DSCAM: variants seen among roughly 807,000 people sequenced by gnomAD.
DSCAM encodes the protein DS cell adhesion molecule.
DSCAM carries 47 observed loss-of-function variants against 217.7 expected under a neutral mutation model. The ratio of observed to expected loss-of-function variants is 0.22; its 90% CI spans 0.17 to 0.28. The LOEUF is 0.28. Among genes scored for constraint, DSCAM ranks in the 10% least tolerant of loss-of-function variants. The probability of loss-of-function intolerance (pLI) is 1.00; values close to 1 mark genes in which losing one functional copy is unlikely to be tolerated. For missense variants in DSCAM, 2,080 were observed against 2,618.3 expected (o/e 0.79, Z 4.49); for synonymous variants, 1,056 against 1,015.3 (o/e 1.04, Z -0.76).
At position 40,659,402 on chromosome 21, in the gene DSCAM, C is replaced by G. The variant is rs2146376488; in HGVS notation, c.508+33408G>C. ...CTATCTATCTATCTATCATCTCTCT[C>G]ATCTCTCTATCACTCTAGTTATCTA... On this transcript the variant is annotated intron_variant, in intron 3 of 32. Coordinates refer to ENST00000400454, the MANE Select transcript of DSCAM (RefSeq NM_001389.5). Among the ~76,000 whole-genome samples the G allele has an allele frequency of 2.0e-5, 3 of 149,534 alleles. No homozygotes were observed. In the South Asian group the frequency reaches 6.4e-4, roughly 32 times the overall value.
chr21:40,684,506 G>A (rs921253994), intron 3 of DSCAM, among the ~76,000 whole-genome samples: 6 of 70,232 alleles, frequency 8.5e-5, no homozygotes, highest in Admixed American at 2.3e-4. Flanking sequence ...TCTGCTTAAG[G>A]AGACCTTCCT....
At chr21:40,161,730 G>A (rs1263562540) in intron 16 of DSCAM, among the ~76,000 whole-genome samples, 1 of 152,142 alleles carries the variant, frequency 6.6e-6, no homozygotes, top group African/African-American at 2.4e-5. Flanking sequence ...AAGACATGTT[G>A]GTGTTCAGGA....
intron 1 of DSCAM, among the ~76,000 whole-genome samples, chr21:40,777,339 T>G (rs997860290): frequency 1.3e-5 from 2 of 152,186 alleles, no homozygotes; most frequent in Non-Finnish European, 2.9e-5. Flanking sequence ...GCCGAAAACC[T>G]TCAGACAACA....
At chr21:40,616,602 T>C (rs1040810266) in intron 3 of DSCAM, among the ~76,000 whole-genome samples, 12 of 152,208 alleles carry the variant, frequency 7.9e-5, no homozygotes, top group African/African-American at 2.7e-4. Flanking sequence ...GGGTCTCCTC[T>C]AGACACTGCC....
At chr21:40,280,199 T>G (rs1179011771) in intron 10 of DSCAM, among the ~76,000 whole-genome samples, 1 of 149,208 alleles carries the variant, frequency 6.7e-6, no homozygotes, top group Non-Finnish European at 1.5e-5. Context: ...TTTTTTTTTT[T>G]GAGACAGGGT....
intron 3 of DSCAM, among the ~76,000 whole-genome samples, chr21:40,373,876 T>C (rs1366494337): frequency 6.6e-6 from 1 of 152,238 alleles, no homozygotes; most frequent in Non-Finnish European, 1.5e-5. Context: ...CTCTAAACTT[T>C]GCTTTCTTCA....
chr21:40,369,385 CGTGT>C (rs35564463), intron 3 of DSCAM, 140 bp from the exon 4 acceptor site: 21,370 of 383,446 alleles, frequency 0.056, 1,004 homozygotes, highest in African/African-American at 0.21. Flanking sequence ...CGTGCGTCTG[CGTGT>C]GTGTGTGTGT....
At position 40,093,713 on chromosome 21, in the gene DSCAM, C is replaced by T. The variant is rs1287349171; in HGVS notation, c.3850+8G>A. ...ACAGGAAATGAGGTCCTTATAGCCACTGCCTACCTTTTGCTAGTGGCTCGA... is the reference window on the plus strand; with the variant it reads ...ACAGGAAATGAGGTCCTTATAGCCATTGCCTACCTTTTGCTAGTGGCTCGA... On this transcript the variant is annotated splice_region_variant and intron_variant, in intron 21 of 32. Coordinates refer to ENST00000400454, the MANE Select transcript of DSCAM (RefSeq NM_001389.5). 3 of 1,613,852 alleles carry T rather than the reference C, an allele frequency of 1.9e-6. No individual in the cohort carries two copies. Among genetic ancestry groups the T allele is most frequent in the East Asian group, 2.2e-5 (1 of 44,882 alleles).
At chr21:40,143,619 G>T (rs545490783) in intron 17 of DSCAM, among the ~76,000 whole-genome samples, 82 of 152,246 alleles carry the variant, frequency 5.4e-4, no homozygotes, top group Middle Eastern at 3.4e-3. Flanking sequence ...GTGAAAACCC[G>T]TCTCTACTAA....
Position 40,338,317 on chromosome 21 carries a change from T to A in DSCAM, c.1567A>T (p.Ile523Phe). 6.2e-7 allele frequency: 1 copy of A among 1,614,240 alleles called. No homozygotes were observed. Among genetic ancestry groups the A allele is most frequent in the Non-Finnish European group, 8.5e-7 (1 of 1,180,024 alleles). ...ITAIAGRDTY[I>F]HCRVIGYPYY... ...GGATAGCCAATCACACGACAGTGAA[T>A]GTATGTGTCCCGTCCTGCTATTGCT... Residue 523 changes from isoleucine (I) to phenylalanine (F), a missense_variant, in exon 8 of 33, where the codon ATT becomes TTT. Ile to Phe is a conservative substitution (Grantham distance 21, BLOSUM62 0). Coordinates refer to ENST00000400454, the MANE Select transcript of DSCAM (RefSeq NM_001389.5).
intron 32 of DSCAM, among the ~76,000 whole-genome samples, chr21:40,021,803 T>A (rs2088277783): frequency 6.6e-6 from 1 of 152,178 alleles, no homozygotes; most frequent in South Asian, 2.1e-4. Flanking sequence ...TCCTGAAATG[T>A]ACAGATTCCT....
chr21:40,567,483 C>G (rs575722697), intron 3 of DSCAM, among the ~76,000 whole-genome samples: 78 of 152,358 alleles, frequency 5.1e-4, no homozygotes, highest in Non-Finnish European at 7.6e-4. Context: ...AAATAAGGCT[C>G]AAGGGACTGC....
chr21:40,060,149 T>C (rs866370727), intron 28 of DSCAM, among the ~76,000 whole-genome samples: 11 of 152,194 alleles, frequency 7.2e-5, no homozygotes, highest in African/African-American at 2.7e-4. Context: ...ACTGTAACTA[T>C]CATAAGTGGT....
intron 32 of DSCAM, among the ~76,000 whole-genome samples, chr21:40,023,439 G>A (rs1344313608): frequency 2.0e-5 from 3 of 151,156 alleles, no homozygotes; most frequent in Admixed American, 6.6e-5. Context: ...CTGAGGAATC[G>A]CCACACTGAC....
chr21:40,686,250 G>GCACACACTCCACACACACACCC (rs1568984986), intron 3 of DSCAM, among the ~76,000 whole-genome samples: 1 of 79,200 alleles, frequency 1.3e-5, no homozygotes, highest in Non-Finnish European at 2.8e-5. Flanking sequence ...ACCACACACA[G>GCACACACTCCACACACACACCC]CACACACTCC....
At chr21:40,336,740 C>T (rs1042849165) in intron 8 of DSCAM, among the ~76,000 whole-genome samples, 3 of 152,090 alleles carry the variant, frequency 2.0e-5, no homozygotes, top group African/African-American at 7.2e-5. Flanking sequence ...CTGGTTTATT[C>T]ACTTGTTTTA....
intron 11 of DSCAM, among the ~76,000 whole-genome samples, chr21:40,253,510 C>T (rs2073331760): frequency 6.6e-6 from 1 of 152,124 alleles, no homozygotes; most frequent in Non-Finnish European, 1.5e-5. Flanking sequence ...GGTGGGCCCT[C>T]AGATGATTAT....
chr21:40,030,234 G>A (rs1456161610), intron 32 of DSCAM, among the ~76,000 whole-genome samples: 1 of 152,180 alleles, frequency 6.6e-6, no homozygotes, highest in Admixed American at 6.5e-5. Context: ...TGCCATGCGT[G>A]TGTTGAGTGG....
chr21:40,223,947 G>A (rs1174637555), intron 11 of DSCAM, among the ~76,000 whole-genome samples: 3 of 152,200 alleles, frequency 2.0e-5, no homozygotes, highest in South Asian at 2.1e-4. Context: ...CACCCCACAT[G>A]CTGTGGGTCC....
Sources: gnomAD v4.1 joint callset for allele counts (sites outside exome capture counted in the v4.1 genomes callset) on GRCh38, gnomAD v4.1.1 for gene constraint, MANE v1.5 for transcripts, NCBI Gene and HGNC (gene_info 2026-07-23, HGNC 2026-07-21) for gene names.